Variants in HTR7 observed in about 807,000 individuals in gnomAD.
The protein encoded by HTR7 is 5-hydroxytryptamine receptor 7.
A neutral mutation model predicts 34.0 loss-of-function variants in HTR7; 16 were observed. That is an observed-to-expected ratio of 0.47 (90% CI 0.32 to 0.71). HTR7 has a LOEUF of 0.71. Ranked by LOEUF, HTR7 falls within the 30% of genes least tolerant of loss-of-function variation. The pLI, the probability that HTR7 is intolerant of heterozygous loss-of-function variation, is 0.04. For synonymous variants in HTR7, 265 were observed against 260.2 expected, an observed-to-expected ratio of 1.02 and a Z score of -0.18; for missense variants, 504 against 625.5, an observed-to-expected ratio of 0.81 and a Z score of 2.07.
At position 90,749,352 on chromosome 10, in the gene HTR7, T is replaced by C. The variant is rs116097949; in HGVS notation, c.782A>G (p.Gln261Arg). ...ACTCTTCCTGGCAGCCTTGTAAATC[T>C]GGTAGTACATGAAAAGCATGACGGA... ...PMSVMLFMYY[Q>R]IYKAARKSAA... The change falls in exon 2 of 4, where the codon CAG becomes CGG. Residue 261 changes from glutamine (Q) to arginine (R), a missense_variant. Gln to Arg is a conservative substitution (Grantham distance 43, BLOSUM62 1). This residue lies in a region of HTR7 where 154 missense variants were observed against 248.8 expected (regional missense o/e 0.62). Transcript: ENST00000336152. The surrounding 1 kb of genome is among the most constrained non-coding windows in gnomAD (Gnocchi z 4.2). 18 of 1,614,158 alleles carry C rather than the reference T, an allele frequency of 1.1e-5. No homozygotes were observed. The East Asian group carries it at 4.0e-4, about 36-fold the overall frequency.
intron 2 of HTR7, among the ~76,000 whole-genome samples, chr10:90,746,776 T>C (rs1357083381): frequency 6.6e-6 from 1 of 152,128 alleles, no homozygotes; most frequent in African/African-American, 2.4e-5. Context: ...CCTCACCAGT[T>C]CCCTACCTTC....
intron 1 of HTR7, among the ~76,000 whole-genome samples, chr10:90,808,702 A>C (rs1375492014): frequency 6.6e-6 from 1 of 151,930 alleles, no homozygotes. Context: ...CACTATGGGC[A>C]ACCTTCCACC....
chr10:90,818,868 T>G (rs2120000139), intron 1 of HTR7, among the ~76,000 whole-genome samples: 1 of 152,336 alleles, frequency 6.6e-6, no homozygotes, highest in South Asian at 2.1e-4. Flanking sequence ...GTTCTCATGA[T>G]AGTCAGTGAA....
intron 1 of HTR7, among the ~76,000 whole-genome samples, chr10:90,775,185 T>G (rs1327454822): frequency 6.6e-6 from 1 of 152,226 alleles, no homozygotes; most frequent in Non-Finnish European, 1.5e-5. Flanking sequence ...ATGTATTCAT[T>G]GATGTGTTTA....
Position 90,857,043 on chromosome 10 carries a change from G to C in HTR7, c.539+90C>G, listed in dbSNP as rs957829329. On this transcript the variant is annotated intron_variant, in intron 1 of 3. Transcript: ENST00000336152. This position sits in a 1 kb window ranked among gnomAD's most constrained non-coding sequence, Gnocchi z 6.5. ...GCCCTTCATCCCGCCTTGAAGTCTAGCTTGATCCTCCCAGGAAAGGCGAGC... is the reference window on the plus strand; with the variant it reads ...GCCCTTCATCCCGCCTTGAAGTCTACCTTGATCCTCCCAGGAAAGGCGAGC... The C allele has an allele frequency of 1.6e-6, 2 of 1,239,692 alleles. No individual in the cohort carries two copies. Among genetic ancestry groups the C allele is most frequent in the African/African-American group, 3.0e-5 (2 of 65,672 alleles). 76.8% of individuals were successfully genotyped at this position (1,239,692 alleles called of 1,614,324 possible).
chr10:90,768,941 C>T (rs1380909319), intron 1 of HTR7, among the ~76,000 whole-genome samples: 1 of 152,192 alleles, frequency 6.6e-6, no homozygotes, highest in Non-Finnish European at 1.5e-5. Flanking sequence ...GGCCAAGGCT[C>T]GTGTTCAGTT....
At position 90,795,109 on chromosome 10, in the gene HTR7, C is replaced by A. The variant is rs1034948115; in HGVS notation, c.540-45515G>T. ...GTCTTGGCTATTGTGGATAATGCTG[C>A]AATGAACATGAGATTGCAGATATCT... On this transcript the variant is annotated intron_variant, in intron 1 of 3. Transcript: ENST00000336152. 2.5e-4 allele frequency among the ~76,000 whole-genome samples: 38 copies of A among 152,192 alleles called. 1 individual carries two copies. Among genetic ancestry groups the A allele is most frequent in the Non-Finnish European group, 5.6e-4 (38 of 68,046 alleles).
intron 1 of HTR7, among the ~76,000 whole-genome samples, chr10:90,781,298 A>T (rs1022497058): frequency 3.9e-5 from 6 of 152,216 alleles, no homozygotes; most frequent in Non-Finnish European, 5.9e-5. Flanking sequence ...CCCTATTAGT[A>T]TATATAAACA....
At chr10:90,805,380 T>G (rs1845689123) in intron 1 of HTR7, among the ~76,000 whole-genome samples, 1 of 152,238 alleles carries the variant, frequency 6.6e-6, no homozygotes, top group Non-Finnish European at 1.5e-5. Flanking sequence ...TTGAATCTCT[T>G]TGTGAAAGAA....
chr10:90,828,112 C>T (rs1279426241), intron 1 of HTR7, among the ~76,000 whole-genome samples: 1 of 152,112 alleles, frequency 6.6e-6, no homozygotes, highest in Non-Finnish European at 1.5e-5. Context: ...TCCTGAATGA[C>T]CAGTTGTCAA....
chr10:90,832,267 C>T (rs1473221551), intron 1 of HTR7, among the ~76,000 whole-genome samples: 6 of 152,178 alleles, frequency 3.9e-5, no homozygotes, highest in African/African-American at 9.7e-5. Flanking sequence ...CAGGAGGCCA[C>T]GGTGGGTGTA....
At chr10:90,760,137 CAG>C (rs1409515919) in intron 1 of HTR7, among the ~76,000 whole-genome samples, 2 of 152,066 alleles carry the variant, frequency 1.3e-5, no homozygotes, top group Non-Finnish European at 2.9e-5. Flanking sequence ...TTAATGGAGA[CAG>C]AAAGTGTGGT....
At chr10:90,744,249 CT>C (rs1844600803) in intron 2 of HTR7, among the ~76,000 whole-genome samples, 1 of 149,950 alleles carries the variant, frequency 6.7e-6, no homozygotes, top group South Asian at 2.2e-4. Flanking sequence ...CCACCACCAC[CT>C]CTGCAGCCAC....
At chr10:90,814,429 G>C (rs1364240872) in intron 1 of HTR7, among the ~76,000 whole-genome samples, 1 of 152,204 alleles carries the variant, frequency 6.6e-6, no homozygotes, top group Non-Finnish European at 1.5e-5. Context: ...ACGAGAAGCC[G>C]TAGCAAATTG....
intron 1 of HTR7, among the ~76,000 whole-genome samples, chr10:90,757,974 G>A (rs1844861932): frequency 6.6e-6 from 1 of 152,194 alleles, no homozygotes; most frequent in Non-Finnish European, 1.5e-5. Context: ...AGACTGCTAA[G>A]TTAAGAAAAT....
chr10:90,759,903 T>C (rs1272443670), intron 1 of HTR7, among the ~76,000 whole-genome samples: 1 of 152,182 alleles, frequency 6.6e-6, no homozygotes, highest in African/African-American at 2.4e-5. Context: ...AGTTGTAACA[T>C]TTTAAAATTG....
chr10:90,754,626 G>A (rs1021668828), intron 1 of HTR7, among the ~76,000 whole-genome samples: 2 of 152,176 alleles, frequency 1.3e-5, no homozygotes, highest in African/African-American at 4.8e-5. Context: ...CAATAGGGGT[G>A]CCATTGAAGT....
chr10:90,815,856 T>C (rs1845891502), intron 1 of HTR7, among the ~76,000 whole-genome samples: 1 of 152,210 alleles, frequency 6.6e-6, no homozygotes, highest in African/African-American at 2.4e-5. Context: ...TTGTAGAGCA[T>C]TTATTGCAGG....
intron 1 of HTR7, among the ~76,000 whole-genome samples, chr10:90,783,022 C>T (rs1845331324): frequency 6.6e-6 from 1 of 152,140 alleles, no homozygotes; most frequent in South Asian, 2.1e-4. Flanking sequence ...TGACTAGGAG[C>T]TTACTGGGAC....
Sources: allele counts gnomAD v4.1 joint callset (sites outside exome capture counted in the v4.1 genomes callset), GRCh38; gene constraint gnomAD v4.1.1; regional missense constraint gnomAD v4.1.1; non-coding constraint Gnocchi (gnomAD v3.1); transcripts MANE v1.5; gene names NCBI Gene and HGNC (gene_info 2026-07-23, HGNC 2026-07-21).